CAST: variants seen among roughly 807,000 people sequenced by gnomAD.
CAST encodes calpastatin.
A neutral mutation model predicts 119.6 loss-of-function variants in CAST; 76 were observed. The observed-to-expected ratio is 0.64, with a 90% CI of 0.53 to 0.77. The LOEUF is 0.77. Ranked by LOEUF, CAST falls within the 30% of genes least tolerant of loss-of-function variation. The probability of loss-of-function intolerance (pLI) is 0.00; values close to 1 mark genes in which losing one functional copy is unlikely to be tolerated. For synonymous variants in CAST, 319 were observed against 331.6 expected (o/e 0.96, Z 0.41); for missense variants, 953 against 946.5 (o/e 1.01, Z -0.09).
At chr5:96,163,931 A>G in the CAST span, among the ~76,000 whole-genome samples, 6 of 152,206 alleles carry the variant, frequency 3.9e-5, no homozygotes. Flanking sequence ...GTATTTAACA[A>G]TGGGCACATT....
At chr5:96,295,308 T>G in the CAST span, among the ~76,000 whole-genome samples, 1 of 152,204 alleles carries the variant, frequency 6.6e-6, no homozygotes, top group Non-Finnish European at 1.5e-5. Context: ...GAGACATGCT[T>G]GACTTTGGTC....
the CAST span, among the ~76,000 whole-genome samples, chr5:96,445,051 T>C: frequency 6.6e-6 from 1 of 152,220 alleles, no homozygotes; most frequent in Non-Finnish European, 1.5e-5. Flanking sequence ...GAAGACTCCC[T>C]GACCTGCAAT....
At chr5:96,455,119 G>T in the CAST span, among the ~76,000 whole-genome samples, 1 of 152,172 alleles carries the variant, frequency 6.6e-6, no homozygotes, top group Non-Finnish European at 1.5e-5. Flanking sequence ...CAAGGATATG[G>T]GAAGAAAGTT....
chr5:96,239,214 T>G, the CAST span, among the ~76,000 whole-genome samples: 2 of 152,158 alleles, frequency 1.3e-5, no homozygotes, highest in Non-Finnish European at 2.9e-5. Flanking sequence ...TGCAATGACT[T>G]ATATATGTAA....
At chr5:96,565,611 A>G (rs1304978934) in intron 1 of CAST, among the ~76,000 whole-genome samples, 2 of 152,214 alleles carry the variant, frequency 1.3e-5, no homozygotes, top group African/African-American at 4.8e-5. Context: ...ATGAAGTGGT[A>G]CTGGGTCCAC....
chr5:96,142,949 A>AT, the CAST span, among the ~76,000 whole-genome samples: 45 of 152,292 alleles, frequency 3.0e-4, no homozygotes, highest in African/African-American at 9.9e-4. Context: ...AAGAGGCAGT[A>AT]TGATTCAGTA....
chr5:96,442,897 G>A, the CAST span, among the ~76,000 whole-genome samples: 1 of 151,496 alleles, frequency 6.6e-6, no homozygotes, highest in East Asian at 1.9e-4. Flanking sequence ...CTTTATTATT[G>A]TCATCACCGT....
the CAST span, chr5:96,079,291 G>C: frequency 1.5e-5 from 5 of 332,340 alleles, no homozygotes; most frequent in East Asian, 4.2e-4. Context: ...ATGGCATCAG[G>C]CTTGTTACTC....
At chr5:96,770,381 CA>C (rs1448935467) in intron 29 of CAST, 149 bp from the exon 30 acceptor site, 38 of 589,574 alleles carry the variant, frequency 6.4e-5, no homozygotes, top group Non-Finnish European at 7.4e-5. Context: ...CACCGTTGTT[CA>C]AAAAAAATCA....
the CAST span, among the ~76,000 whole-genome samples, chr5:96,379,911 T>A: frequency 6.6e-6 from 1 of 152,072 alleles, no homozygotes; most frequent in Non-Finnish European, 1.5e-5. Flanking sequence ...AGTGCCAGGA[T>A]TGGATAGAGG....
At chr5:96,377,791 T>C in the CAST span, among the ~76,000 whole-genome samples, 2 of 152,144 alleles carry the variant, frequency 1.3e-5, no homozygotes, top group Admixed American at 6.6e-5. Context: ...GATGCTTTTT[T>C]CCCCCACTCA....
the CAST span, among the ~76,000 whole-genome samples, chr5:96,324,137 A>T: frequency 6.6e-6 from 1 of 152,294 alleles, no homozygotes; most frequent in South Asian, 2.1e-4. Context: ...AAATTCTCCA[A>T]GCTGATCTTT....
intron 1 of CAST, among the ~76,000 whole-genome samples, chr5:96,611,750 A>C (rs1378532410): frequency 6.6e-6 from 1 of 152,124 alleles, no homozygotes; most frequent in African/African-American, 2.4e-5. Context: ...AACTTAAATC[A>C]ACAAGAAAAA....
chr5:96,723,119 T>C (rs528860314), intron 4 of CAST, among the ~76,000 whole-genome samples: 1 of 146,122 alleles, frequency 6.8e-6, no homozygotes, highest in African/African-American at 2.8e-5. Flanking sequence ...ATTGTTTTTT[T>C]GTTTGTTTGT....
the CAST span, among the ~76,000 whole-genome samples, chr5:96,269,104 C>T: frequency 6.6e-6 from 1 of 152,166 alleles, no homozygotes; most frequent in Non-Finnish European, 1.5e-5. Context: ...TCAATTAAAG[C>T]TCTTTCTCTC....
chr5:96,380,382 A>G, the CAST span, among the ~76,000 whole-genome samples: 1 of 152,188 alleles, frequency 6.6e-6, no homozygotes, highest in Admixed American at 6.5e-5. Context: ...TGAAATGTGA[A>G]GTTTATATAA....
the CAST span, chr5:96,392,854 T>C: frequency 2.0e-5 from 16 of 786,046 alleles, no homozygotes; most frequent in Admixed American, 6.1e-5. Context: ...CCCCTTCACA[T>C]GTACAGTTTA....
At chr5:96,036,730 AT>A in the CAST span, among the ~76,000 whole-genome samples, 1 of 152,188 alleles carries the variant, frequency 6.6e-6, no homozygotes, top group Non-Finnish European at 1.5e-5. Context: ...CCATACAAAT[AT>A]TTTGATCTTA....
At chr5:96,120,042 T>C in the CAST span, among the ~76,000 whole-genome samples, 1 of 152,330 alleles carries the variant, frequency 6.6e-6, no homozygotes, top group East Asian at 1.9e-4. Flanking sequence ...CTTATAATTC[T>C]GCCTTTATCC....
Sources: gnomAD v4.1 joint callset for allele counts (sites outside exome capture counted in the v4.1 genomes callset) on GRCh38, gnomAD v4.1.1 for gene constraint, MANE v1.5 for transcripts, NCBI Gene and HGNC (gene_info 2026-07-23, HGNC 2026-07-21) for gene names.